SMPX: variants seen among roughly 807,000 people sequenced by gnomAD.
SMPX encodes small muscular protein.
A neutral mutation model predicts 6.3 loss-of-function variants in SMPX; 2 were observed. That is an observed-to-expected ratio of 0.32 (90% confidence interval 0.13 to 0.99). The LOEUF is 0.99. Among genes scored for constraint, SMPX ranks in the 50% least tolerant of loss-of-function variants. The pLI, the probability that SMPX is intolerant of heterozygous loss-of-function variation, is 0.49. For synonymous variants in SMPX, 32 were observed against 24.7 expected (o/e 1.30, Z -0.88); for missense variants, 60 against 66.8 (o/e 0.90, Z 0.36).
intron 4 of SMPX, among the ~76,000 whole-genome samples, chrX:21,736,874 G>A (rs1016231397): frequency 4.5e-5 from 5 of 111,378 alleles, no homozygotes; most frequent in Non-Finnish European, 7.5e-5. Context: ...TCCCATACCA[G>A]TCCACAGGAG....
intron 4 of SMPX, among the ~76,000 whole-genome samples, chrX:21,711,104 G>A (rs1054106693): frequency 1.8e-5 from 2 of 111,825 alleles, no homozygotes; most frequent in Non-Finnish European, 3.8e-5. Flanking sequence ...GTCCCCAGAC[G>A]GCCAGAGTCT....
chrX:21,712,905 C>T (rs1602097519), intron 4 of SMPX, among the ~76,000 whole-genome samples: 2 of 112,371 alleles, frequency 1.8e-5, no homozygotes, highest in South Asian at 7.5e-4. Context: ...CAGCAATGAT[C>T]TGTGGCAGCC....
At chrX:21,717,378 C>T (rs2092786371) in intron 4 of SMPX, among the ~76,000 whole-genome samples, 1 of 112,282 alleles carries the variant, frequency 8.9e-6, no homozygotes, top group South Asian at 3.7e-4. Flanking sequence ...CCATCCCAGC[C>T]ATGCTGAACT....
At chrX:21,711,489 AC>A (rs1216105103) in intron 4 of SMPX, among the ~76,000 whole-genome samples, 1 of 111,849 alleles carries the variant, frequency 8.9e-6, no homozygotes, top group Non-Finnish European at 1.9e-5. Context: ...TTATACCCAG[AC>A]CAAAAATGAC....
At chrX:21,753,746 G>A (rs1400763009) in intron 2 of SMPX, among the ~76,000 whole-genome samples, 2 of 112,079 alleles carry the variant, frequency 1.8e-5, no homozygotes, top group Non-Finnish European at 3.8e-5. Context: ...AACAACCAAG[G>A]AATTTGTTTG....
At chrX:21,749,898 A>C (rs2092825651) in intron 2 of SMPX, among the ~76,000 whole-genome samples, 1 of 112,201 alleles carries the variant, frequency 8.9e-6, no homozygotes, top group African/African-American at 3.2e-5. Context: ...CGTAGAGCTA[A>C]GACTGGGGCA....
chrX:21,738,301 A>T (rs1004996155), intron 3 of SMPX, among the ~76,000 whole-genome samples: 2 of 111,568 alleles, frequency 1.8e-5, no homozygotes, highest in African/African-American at 6.5e-5. Flanking sequence ...TGTCTGTCAC[A>T]GAGGTGCACG....
chrX:21,711,378 T>C (rs1278327643), intron 4 of SMPX, among the ~76,000 whole-genome samples: 1 of 111,995 alleles, frequency 8.9e-6, no homozygotes, highest in African/African-American at 3.3e-5. Flanking sequence ...TGTCAGCTAT[T>C]CTCCTGTGCC....
intron 4 of SMPX, 125 bp from the exon 5 acceptor site, chrX:21,706,519 C>T (rs1602095303): frequency 4.5e-6 from 1 of 221,559 alleles, no homozygotes; most frequent in Admixed American, 6.4e-5. Context: ...TGCATACATA[C>T]ATTGTGAAAT....
chrX:21,713,100 G>A (rs748293251), intron 4 of SMPX, among the ~76,000 whole-genome samples: 7 of 112,432 alleles, frequency 6.2e-5, no homozygotes, highest in Middle Eastern at 4.6e-3. Flanking sequence ...GGTAATGAGT[G>A]GTCCAAAGAC....
At chrX:21,706,620 A>T (rs1209043651) in intron 4 of SMPX, among the ~76,000 whole-genome samples, 1 of 111,668 alleles carries the variant, frequency 9.0e-6, no homozygotes, top group Admixed American at 9.5e-5. Flanking sequence ...TTTCAAGGAT[A>T]CATTATTAAC....
intron 4 of SMPX, among the ~76,000 whole-genome samples, chrX:21,722,330 C>A (rs1030382860): frequency 8.9e-6 from 1 of 112,280 alleles, no homozygotes; most frequent in African/African-American, 3.2e-5. Flanking sequence ...TCAAACCCAG[C>A]TTTTTTGTCT....
In SMPX at chrX:21,706,356, T is replaced by C; in HGVS notation, c.*53A>G. On this transcript the variant is annotated 3_prime_UTR_variant, in exon 5 of 5. Transcript: ENST00000379494. The stretch of plus-strand genomic sequence containing the variant: ...AATATATAAAATTTTAGTGAGCTAT[T>C]GAATCCATCTTCTGCCTCTTTATTT... 2.2e-6 allele frequency: 1 copy of C among 444,786 alleles called. No individual in the cohort carries two copies. The highest frequency in any genetic ancestry group is 4.0e-6 in the Non-Finnish European group (1 of 246,989). The allele number at this position is 444,786 out of a possible 1,213,427, so 36.7% of individuals were successfully genotyped here. A position where few individuals can be genotyped will look rare whatever the true frequency, so the allele number is the denominator to read the frequency against.
intron 4 of SMPX, among the ~76,000 whole-genome samples, chrX:21,709,021 T>C (rs895297197): frequency 4.4e-5 from 5 of 112,865 alleles, no homozygotes; most frequent in Non-Finnish European, 7.5e-5. Flanking sequence ...AATTCCAGTG[T>C]GTGTGTTACC....
chrX:21,754,348 C>T (rs1184262082), intron 1 of SMPX, 46 bp from the exon 2 acceptor site: 1 of 973,173 alleles, frequency 1.0e-6, no homozygotes, highest in Non-Finnish European at 1.5e-6. Flanking sequence ...GCATTCAGAT[C>T]CTCAGTCTTG....
chrX:21,744,757 G>A (rs554501891), intron 2 of SMPX, among the ~76,000 whole-genome samples: 3 of 112,373 alleles, frequency 2.7e-5, no homozygotes, highest in African/African-American at 9.7e-5. Context: ...ATGAGTAATT[G>A]GATATGTGGG....
intron 4 of SMPX, among the ~76,000 whole-genome samples, chrX:21,717,643 C>G (rs1353636802): frequency 8.9e-6 from 1 of 111,979 alleles, no homozygotes; most frequent in African/African-American, 3.2e-5. Flanking sequence ...GACAAGTTAT[C>G]CCCCTTCATG....
chrX:21,728,819 G>A (rs1338661009), intron 4 of SMPX, among the ~76,000 whole-genome samples: 2 of 112,061 alleles, frequency 1.8e-5, no homozygotes, highest in African/African-American at 6.5e-5. Context: ...AACAAAATGA[G>A]CATTGTAGTA....
At chrX:21,738,418 TA>T (rs1009143796) in intron 3 of SMPX, among the ~76,000 whole-genome samples, 3 of 110,498 alleles carry the variant, frequency 2.7e-5, no homozygotes, top group African/African-American at 9.9e-5. Context: ...ATGGTAACTA[TA>T]AAACAACATC....
Sources: allele counts gnomAD v4.1 joint callset (sites outside exome capture counted in the v4.1 genomes callset), GRCh38; gene constraint gnomAD v4.1.1; transcripts MANE v1.5; gene names NCBI Gene and HGNC (gene_info 2026-07-23, HGNC 2026-07-21).